TMEM132D: variants seen among roughly 807,000 people sequenced by gnomAD.
The protein encoded by TMEM132D is mature OL transmembrane protein.
TMEM132D carries 21 observed loss-of-function variants against 62.3 expected under a neutral mutation model. The ratio of observed to expected loss-of-function variants is 0.34; its 90% CI spans 0.24 to 0.49. The LOEUF is 0.49. Among genes scored for constraint, TMEM132D ranks in the 20% least tolerant of loss-of-function variants. TMEM132D has a pLI of 0.99. For synonymous variants in TMEM132D, 621 were observed against 575.6 expected (o/e 1.08, Z -1.13); for missense variants, 1,346 against 1,402.8 (o/e 0.96, Z 0.65).
At chr12:129,721,933 A>C (rs1201284538) in intron 1 of TMEM132D, among the ~76,000 whole-genome samples, 1 of 152,206 alleles carries the variant, frequency 6.6e-6, no homozygotes, top group South Asian at 2.1e-4. Flanking sequence ...GGGAAACCCA[A>C]TCTTCTTAAT....
intron 2 of TMEM132D, among the ~76,000 whole-genome samples, chr12:129,598,360 T>C (rs1878398484): frequency 6.6e-6 from 1 of 152,170 alleles, no homozygotes; most frequent in Admixed American, 6.5e-5. Flanking sequence ...ACACCAAGCT[T>C]ATCTCTGATG....
chr12:129,841,529 T>G (rs558747786), intron 1 of TMEM132D, among the ~76,000 whole-genome samples: 1 of 152,332 alleles, frequency 6.6e-6, no homozygotes, highest in African/African-American at 2.4e-5. Flanking sequence ...CTTCTGTATT[T>G]CCTTCTTCCC....
intron 2 of TMEM132D, among the ~76,000 whole-genome samples, chr12:129,670,087 G>T (rs1880468987): frequency 6.6e-6 from 1 of 152,020 alleles, no homozygotes; most frequent in Admixed American, 6.6e-5. Context: ...CAAAGGGAGG[G>T]ATTGAAACCA....
chr12:129,443,716 G>A (rs552237589), intron 3 of TMEM132D, among the ~76,000 whole-genome samples: 1 of 152,152 alleles, frequency 6.6e-6, no homozygotes, highest in African/African-American at 2.4e-5. Context: ...CCCCTTCTCT[G>A]GAGTGCCATC....
At chr12:129,612,995 C>T (rs750070118) in intron 2 of TMEM132D, among the ~76,000 whole-genome samples, 2 of 152,230 alleles carry the variant, frequency 1.3e-5, no homozygotes, top group Admixed American at 1.3e-4. Context: ...TTTCAGAAAT[C>T]CCTCTATCCC....
chr12:129,209,260 C>G (rs1487701480), intron 5 of TMEM132D, among the ~76,000 whole-genome samples: 1 of 152,146 alleles, frequency 6.6e-6, no homozygotes, highest in Non-Finnish European at 1.5e-5. Context: ...TGGGAAGAGG[C>G]CAAGGGCATT....
intron 1 of TMEM132D, among the ~76,000 whole-genome samples, chr12:129,792,773 T>C (rs1331284674): frequency 6.6e-6 from 1 of 152,176 alleles, no homozygotes; most frequent in East Asian, 1.9e-4. Context: ...AGACTAAAAA[T>C]TGAACAGACA....
chr12:129,787,612 C>T (rs148901975), intron 1 of TMEM132D, among the ~76,000 whole-genome samples: 14 of 152,320 alleles, frequency 9.2e-5, no homozygotes, highest in Admixed American at 2.0e-4. Context: ...CACTTTCCTC[C>T]AGAGAAATGA....
intron 3 of TMEM132D, among the ~76,000 whole-genome samples, chr12:129,417,247 T>C (rs1255640145): frequency 6.6e-6 from 1 of 151,964 alleles, no homozygotes; most frequent in Non-Finnish European, 1.5e-5. Context: ...GCCAAGACAA[T>C]CCTATGCAAA....
In TMEM132D at chr12:129,256,792, C is replaced by T. The variant is rs958230113; in HGVS notation, c.1300-47129G>A. ...GGCTGGTCTCAAACAGGATCTTGAC[C>T]TCAGGTGATCCACCCGCTTTGACCT... On this transcript the variant is annotated intron_variant, in intron 4 of 8. Transcript: ENST00000422113. Among the ~76,000 whole-genome samples the T allele has an allele frequency of 4.6e-5, 7 of 152,152 alleles. No individual in the cohort carries two copies. The East Asian group carries it at 1.3e-3, about 29-fold the overall frequency.
chr12:129,515,061 C>G (rs2220123), intron 3 of TMEM132D, among the ~76,000 whole-genome samples: 1,674 of 152,322 alleles, frequency 0.011, 26 homozygotes, highest in African/African-American at 0.034. Flanking sequence ...TTAACTCTTG[C>G]ATCTCCCCAG....
At chr12:129,310,714 T>C (rs956934724) in intron 4 of TMEM132D, among the ~76,000 whole-genome samples, 1 of 152,206 alleles carries the variant, frequency 6.6e-6, no homozygotes, top group Non-Finnish European at 1.5e-5. Flanking sequence ...CAACTCCTCA[T>C]TCCCATTTAA....
At chr12:129,690,654 T>C (rs1464934527) in intron 2 of TMEM132D, among the ~76,000 whole-genome samples, 1 of 152,172 alleles carries the variant, frequency 6.6e-6, no homozygotes, top group Non-Finnish European at 1.5e-5. Flanking sequence ...ACAACAATCC[T>C]AAATGCGTAT....
At chr12:129,603,717 G>T (rs1565919368) in intron 2 of TMEM132D, among the ~76,000 whole-genome samples, 1 of 152,190 alleles carries the variant, frequency 6.6e-6, no homozygotes, top group Non-Finnish European at 1.5e-5. Context: ...TTACACTGTT[G>T]GTGGGAGTGT....
intron 2 of TMEM132D, among the ~76,000 whole-genome samples, chr12:129,678,808 T>C (rs1190486324): frequency 6.6e-6 from 1 of 152,140 alleles, no homozygotes; most frequent in Non-Finnish European, 1.5e-5. Context: ...ATAAATGGCA[T>C]GAAGCAGGAA....
chr12:129,632,275 A>AG (rs1252004822), intron 2 of TMEM132D, among the ~76,000 whole-genome samples: 1 of 152,182 alleles, frequency 6.6e-6, no homozygotes, highest in Non-Finnish European at 1.5e-5. Context: ...TGAGGACGGA[A>AG]GGAGAACACA....
At chr12:129,337,603 G>A (rs771726258) in intron 4 of TMEM132D, 31 bp downstream of exon 4, 1 of 1,612,702 alleles carries the variant, frequency 6.2e-7, no homozygotes, top group Non-Finnish European at 8.5e-7. Context: ...CCCGAGTTCA[G>A]TTCTAACAGC....
At chr12:129,744,111 A>C (rs1225430677) in intron 1 of TMEM132D, among the ~76,000 whole-genome samples, 1 of 152,186 alleles carries the variant, frequency 6.6e-6, no homozygotes, top group Non-Finnish European at 1.5e-5. Flanking sequence ...AAGTGACCTC[A>C]ATTTCCACAC....
At chr12:129,499,494 T>C (rs1327689980) in intron 3 of TMEM132D, among the ~76,000 whole-genome samples, 2 of 152,188 alleles carry the variant, frequency 1.3e-5, no homozygotes, top group Admixed American at 6.5e-5. Flanking sequence ...GTGAGATAAA[T>C]GATGACACAG....
Sources: gnomAD v4.1 joint callset for allele counts (sites outside exome capture counted in the v4.1 genomes callset) on GRCh38, gnomAD v4.1.1 for gene constraint, MANE v1.5 for transcripts, NCBI Gene and HGNC (gene_info 2026-07-23, HGNC 2026-07-21) for gene names.